RYR3: variants seen among roughly 807,000 people sequenced by gnomAD.
The protein encoded by RYR3 is brain ryanodine receptor-calcium release channel.
RYR3 carries 207 observed loss-of-function variants against 584.3 expected under a neutral mutation model. The observed-to-expected ratio is 0.35, with a 90% CI of 0.32 to 0.40. RYR3 has a LOEUF of 0.40. RYR3 is among the 10% of genes least tolerant of loss of function. RYR3 has a pLI of 1.00. For missense variants in RYR3, 5,616 were observed against 6,089.2 expected, an observed-to-expected ratio of 0.92 and a Z score of 2.59; for synonymous variants, 2,416 against 2,248.5, an observed-to-expected ratio of 1.07 and a Z score of -2.11.
At chr15:33,437,408 G>T (rs768693719) in intron 1 of RYR3, among the ~76,000 whole-genome samples, 7 of 152,316 alleles carry the variant, frequency 4.6e-5, no homozygotes, top group Non-Finnish European at 1.0e-4. Flanking sequence ...AAGAAGAGGA[G>T]AAGTATAAAG....
intron 2 of RYR3, among the ~76,000 whole-genome samples, chr15:33,482,638 C>T (rs140734655): frequency 0.022 from 3,274 of 152,214 alleles, 56 homozygotes; most frequent in Non-Finnish European, 0.027. Context: ...AGGCTGGTCT[C>T]GAACTCCTGA....
At chr15:33,597,830 A>AC (rs1191591423) in intron 16 of RYR3, among the ~76,000 whole-genome samples, 1 of 116,426 alleles carries the variant, frequency 8.6e-6, no homozygotes, top group Admixed American at 9.2e-5. Context: ...TTCTGTACAC[A>AC]CAAAAAAATA....
chr15:33,511,255 T>C (rs2052963338), intron 3 of RYR3, among the ~76,000 whole-genome samples: 1 of 151,352 alleles, frequency 6.6e-6, no homozygotes, highest in Non-Finnish European at 1.5e-5. Flanking sequence ...AACTTTTACA[T>C]TTAACGCTCT....
chr15:33,696,604 C>G, intron 39 of RYR3, 113 bp downstream of exon 39: 3 of 1,160,654 alleles, frequency 2.6e-6, no homozygotes, highest in Middle Eastern at 2.5e-4. Flanking sequence ...TTTGTGTGAA[C>G]TGATTCCAAT....
At chr15:33,440,974 G>A (rs556829635) in intron 1 of RYR3, among the ~76,000 whole-genome samples, 20 of 152,210 alleles carry the variant, frequency 1.3e-4, no homozygotes, top group Non-Finnish European at 2.6e-4. Flanking sequence ...CTTTCTTGTG[G>A]TGGTAACGAT....
chr15:33,860,230 T>G (rs2080194375), intron 100 of RYR3, among the ~76,000 whole-genome samples: 1 of 152,210 alleles, frequency 6.6e-6, no homozygotes, highest in South Asian at 2.1e-4. Context: ...GTGAAGTAAC[T>G]GAGGAGGAAC....
intron 3 of RYR3, among the ~76,000 whole-genome samples, chr15:33,520,255 G>A (rs1464679151): frequency 6.6e-6 from 1 of 152,204 alleles, no homozygotes; most frequent in Non-Finnish European, 1.5e-5. Context: ...AGGATGAACA[G>A]TGAGTTTTTT....
At chr15:33,800,476 T>C (rs996581419) in intron 67 of RYR3, among the ~76,000 whole-genome samples, 16 of 152,230 alleles carry the variant, frequency 1.1e-4, no homozygotes, top group African/African-American at 3.9e-4. Flanking sequence ...TAACCTACTT[T>C]TGACCATTTT....
intron 3 of RYR3, among the ~76,000 whole-genome samples, chr15:33,510,662 G>A (rs2052902725): frequency 6.6e-6 from 1 of 150,496 alleles, no homozygotes; most frequent in Admixed American, 6.6e-5. Context: ...GACATATCAT[G>A]TATATTTGAC....
intron 97 of RYR3, 39 bp from the exon 98 acceptor site, chr15:33,854,727 G>A: frequency 6.3e-7 from 1 of 1,576,356 alleles, no homozygotes; most frequent in Non-Finnish European, 8.6e-7. Flanking sequence ...CACACTATGA[G>A]GCAAACATGC....
chr15:33,373,580 T>C (rs1478152219), intron 1 of RYR3, among the ~76,000 whole-genome samples: 5 of 152,242 alleles, frequency 3.3e-5, no homozygotes, highest in African/African-American at 9.6e-5. Flanking sequence ...TTTTCTGATA[T>C]TGATACAATA....
At chr15:33,476,039 G>A (rs2049342768) in intron 2 of RYR3, among the ~76,000 whole-genome samples, 1 of 152,178 alleles carries the variant, frequency 6.6e-6, no homozygotes, top group Non-Finnish European at 1.5e-5. Context: ...TAAGTATAAA[G>A]TTGTTATCCC....
chr15:33,765,193 C>T (rs958194620), intron 60 of RYR3, among the ~76,000 whole-genome samples: 2 of 152,006 alleles, frequency 1.3e-5, no homozygotes, highest in Admixed American at 6.6e-5. Flanking sequence ...CATGTAGATA[C>T]ATTAACAGAA....
chr15:33,652,956 G>A (rs1019519726), intron 32 of RYR3, 73 bp downstream of exon 32: 44 of 1,442,876 alleles, frequency 3.0e-5, no homozygotes, highest in South Asian at 2.6e-4. Context: ...CTTGTTCTCC[G>A]TACTCAGCAT....
rs1348790791 is a variant in RYR3, at chr15:33,726,373, C to G, written c.6913-13C>G. 2.4e-5 allele frequency: 39 copies of G among 1,612,856 alleles called. No individual in the cohort carries two copies. The highest frequency in any genetic ancestry group is 3.3e-5 in the Non-Finnish European group (39 of 1,179,500). On this transcript the variant is annotated splice_polypyrimidine_tract_variant and intron_variant, in intron 45 of 103. Coordinates refer to ENST00000634891, the MANE Select transcript of RYR3 (RefSeq NM_001036.6). ...CTCACTTATCTAATGTCATTCTCAA[C>G]CCTATCTTCCAGCTCATCCAGACAG...
In RYR3 at chr15:33,838,314, G is replaced by C; in HGVS notation, c.12334G>C (p.Glu4112Gln). The stretch of plus-strand genomic sequence containing the variant: ...TGAATCCGATTCAGCTGACAGGCCA[G>C]AAGAGGAGGAAGAAGATGAAGATTC... ...ISESDSADRP[E>Q]EEEEDEDSSY... is the part of the protein sequence containing the mutation. Residue 4112 changes from glutamate (E) to glutamine (Q), a missense_variant, in exon 89 of 104, where the codon GAA becomes CAA. Transcript: ENST00000634891. 2.5e-6 allele frequency: 4 copies of C among 1,614,022 alleles called. No homozygotes were observed. Among genetic ancestry groups the C allele is most frequent in the Non-Finnish European group, 3.4e-6 (4 of 1,179,900 alleles).
intron 10 of RYR3, among the ~76,000 whole-genome samples, chr15:33,552,942 G>A (rs912560133): frequency 6.6e-6 from 1 of 152,158 alleles, no homozygotes; most frequent in African/African-American, 2.4e-5. Flanking sequence ...CCAGCAGAAA[G>A]AGGTTTGGGG....
intron 43 of RYR3, among the ~76,000 whole-genome samples, chr15:33,711,179 T>C (rs1260097379): frequency 1.3e-5 from 2 of 152,210 alleles, no homozygotes; most frequent in Admixed American, 6.5e-5. Context: ...AGTCATTTAT[T>C]CATTTTCACA....
chr15:33,347,850 A>G (rs1055613705), intron 1 of RYR3, among the ~76,000 whole-genome samples: 1 of 152,156 alleles, frequency 6.6e-6, no homozygotes, highest in African/African-American at 2.4e-5. Context: ...CCCCAGTCCT[A>G]GAATCAGCCA....
Sources: allele counts gnomAD v4.1 joint callset (sites outside exome capture counted in the v4.1 genomes callset), GRCh38; gene constraint gnomAD v4.1.1; transcripts MANE v1.5; gene names NCBI Gene and HGNC (gene_info 2026-07-23, HGNC 2026-07-21).